The following TMC1 variants were observed in gnomAD, a reference collection of about 807,000 sequenced individuals.
TMC1 encodes the protein transmembrane channel like 1.
A neutral mutation model predicts 105.8 loss-of-function variants in TMC1; 84 were observed. The observed-to-expected ratio is 0.79, with a 90% CI of 0.67 to 0.95. The LOEUF (loss-of-function observed/expected upper bound fraction) is 0.95, where lower values mean the gene tolerates loss of function less well. TMC1 is among the 40% of genes least tolerant of loss of function. The pLI, the probability that TMC1 is intolerant of heterozygous loss-of-function variation, is 0.00. For synonymous variants in TMC1, 315 were observed against 311.5 expected, an observed-to-expected ratio of 1.01 and a Z score of -0.12; for missense variants, 817 against 914.1, an observed-to-expected ratio of 0.89 and a Z score of 1.37.
At chr9:72,741,622 G>C (rs760834851) in intron 9 of TMC1, 1 of 155,474 alleles carries the variant, frequency 6.4e-6, no homozygotes, top group Admixed American at 6.5e-5. Context: ...CTGTGTTTTG[G>C]TGGTGGTTCC....
chr9:72,637,252 A>G lies in TMC1; in HGVS notation c.-53+9189A>G, dbSNP rs147493871. 3.0e-3 allele frequency among the ~76,000 whole-genome samples: 449 copies of G among 151,764 alleles called. 6 individuals are homozygous for G. Among genetic ancestry groups the G allele is most frequent in the African/African-American group, 0.011 (435 of 41,384 alleles). ...ATTATTTTTTTGTTTTCAAGAGCTT[A>G]TGTTAGTTATCTAGTATAGAGAAGT... On this transcript the variant is annotated intron_variant, in intron 4 of 23. Transcript: ENST00000297784.
At chr9:72,609,689 T>A (rs1824991128) in intron 2 of TMC1, among the ~76,000 whole-genome samples, 1 of 152,228 alleles carries the variant, frequency 6.6e-6, no homozygotes, top group Non-Finnish European at 1.5e-5. Context: ...TCAATAATTT[T>A]ATTCTCATAA....
rs1827385477 is a variant in TMC1, at chr9:72,741,262, C to T, written c.453+1053C>T. 1.4e-5 allele frequency: 3 copies of T among 210,036 alleles called. No homozygotes were observed. In the South Asian group the frequency reaches 3.1e-4, roughly 21 times the overall value. The allele number at this position is 210,036 out of a possible 1,614,324, so 13.0% of individuals were successfully genotyped here. A position where few individuals can be genotyped will look rare whatever the true frequency, so the allele number is the denominator to read the frequency against. ...GCAATACATTAATCTGAAGGGCATTCTTGATGAAGTTGACTAATTTTGCCA... is the reference window on the plus strand; with the variant it reads ...GCAATACATTAATCTGAAGGGCATTTTTGATGAAGTTGACTAATTTTGCCA... On this transcript the variant is annotated intron_variant, in intron 9 of 23. Transcript: ENST00000297784.
chr9:72,732,725 G>A (rs1180035540), intron 8 of TMC1, among the ~76,000 whole-genome samples: 2 of 152,124 alleles, frequency 1.3e-5, no homozygotes, highest in East Asian at 3.9e-4. Context: ...GGGAAACTGG[G>A]AGCACTGAGC....
In TMC1 at chr9:72,820,952, G is replaced by C. The variant is rs762417969; in HGVS notation, c.1874G>C (p.Arg625Thr). 5 of 1,614,122 alleles carry C rather than the reference G, an allele frequency of 3.1e-6. No homozygotes were observed. The highest frequency in any genetic ancestry group is 1.1e-5 in the South Asian group (1 of 91,066). ...ATGTGCTGCAATGTTCCTGAGGCCA[G>C]GGTCTTCAAAGCTTCCAGATCAAAT... ...AVMCCNVPEA[R>T]VFKASRSNNF... Residue 625 changes from arginine to threonine, a missense_variant, in exon 20 of 24, where the codon AGG (arginine) becomes ACG (threonine). Arg to Thr is a moderately conservative substitution (Grantham distance 71, BLOSUM62 -1). Transcript: ENST00000297784.
chr9:72,733,821 A>G (rs1219868480), intron 8 of TMC1, among the ~76,000 whole-genome samples: 3 of 152,160 alleles, frequency 2.0e-5, no homozygotes, highest in Non-Finnish European at 4.4e-5. Context: ...ACGTCTTACC[A>G]TAGATCTTAG....
At chr9:72,566,550 G>T (rs960681983) in intron 1 of TMC1, among the ~76,000 whole-genome samples, 2 of 152,190 alleles carry the variant, frequency 1.3e-5, no homozygotes, top group African/African-American at 4.8e-5. Flanking sequence ...CAGAGGTTCA[G>T]AGAACAGGCC....
chr9:72,780,752 A>G (rs1828083392), intron 13 of TMC1, among the ~76,000 whole-genome samples: 1 of 152,228 alleles, frequency 6.6e-6, no homozygotes, highest in South Asian at 2.1e-4. Flanking sequence ...AAAAGATTCA[A>G]TTCAGCAAGA....
rs79452380 is a variant in TMC1 at position 72,758,741 on chromosome 9, G to A, written c.741+3857G>A. 3.6e-3 allele frequency among the ~76,000 whole-genome samples: 547 copies of A among 152,242 alleles called. 4 individuals are homozygous for A. Among genetic ancestry groups the A allele is most frequent in the African/African-American group, 0.012 (505 of 41,534 alleles). On this transcript the variant is annotated intron_variant, in intron 12 of 23. Transcript: ENST00000297784. ...CAAGGACCTGTATGTGTTACCTCAGGTTAACCAGACGTTTCTCAGAAGACA... is the reference window on the plus strand; with the variant it reads ...CAAGGACCTGTATGTGTTACCTCAGATTAACCAGACGTTTCTCAGAAGACA...
intron 12 of TMC1, among the ~76,000 whole-genome samples, chr9:72,764,908 C>T (rs1309636636): frequency 1.3e-5 from 2 of 152,120 alleles, no homozygotes; most frequent in Non-Finnish European, 2.9e-5. Context: ...GGCTGATGTA[C>T]ATATGTCTTA....
chr9:72,792,199 G>A lies in TMC1; in HGVS notation c.1413G>A (p.Glu471=), dbSNP rs1297592789. Residue 471 remains glutamate, a synonymous_variant, in exon 17 of 24, where the codon GAG becomes GAA. Coordinates refer to ENST00000297784, the MANE Select transcript of TMC1 (RefSeq NM_138691.3). ...ATCTCTTTGCTTTCTAGATTGAAGAGGAGAAGCTAGTAAAGGCCAATATTA... is the reference window on the plus strand; with the variant it reads ...ATCTCTTTGCTTTCTAGATTGAAGAAGAGAAGCTAGTAAAGGCCAATATTA... ...LMDEINNKIE[E]EKLVKANITL... 6.2e-7 allele frequency: 1 copy of A among 1,613,994 alleles called. No individual in the cohort carries two copies. The highest frequency in any genetic ancestry group is 8.5e-7 in the Non-Finnish European group (1 of 1,180,008).
chr9:72,555,812 G>A (rs1382907713), intron 1 of TMC1, among the ~76,000 whole-genome samples: 1 of 151,186 alleles, frequency 6.6e-6, no homozygotes. Flanking sequence ...TAGTAGAGAT[G>A]GGGTTTCACC....
intron 20 of TMC1, among the ~76,000 whole-genome samples, chr9:72,826,247 A>G (rs1287864312): frequency 6.6e-6 from 1 of 152,174 alleles, no homozygotes; most frequent in African/African-American, 2.4e-5. Flanking sequence ...TTTCTAGTTT[A>G]TAGGAGCTGA....
chr9:72,551,045 T>C (rs1460505698), intron 1 of TMC1, among the ~76,000 whole-genome samples: 1 of 152,160 alleles, frequency 6.6e-6, no homozygotes, highest in Admixed American at 6.6e-5. Flanking sequence ...AAAGAAATGC[T>C]ATATTGTTGC....
At chr9:72,522,205 A>T (rs2132050728) in intron 1 of TMC1, among the ~76,000 whole-genome samples, 1 of 149,860 alleles carries the variant, frequency 6.7e-6, no homozygotes, top group Non-Finnish European at 1.5e-5. Context: ...GCTGGAGTGC[A>T]GTGGCGCGAT....
chr9:72,694,808 T>G lies in TMC1; in HGVS notation c.236+94T>G, dbSNP rs943225798. 8.2e-5 allele frequency: 105 copies of G among 1,284,842 alleles called. No individual in the cohort carries two copies. In the African/African-American group the frequency reaches 9.8e-4, roughly 12 times the overall value. 79.6% of individuals were successfully genotyped at this position (1,284,842 alleles called of 1,614,324 possible). A position where few individuals can be genotyped will look rare whatever the true frequency, so the allele number is the denominator to read the frequency against. ...TGACCTTAAAATTGGTAATTAAAGC[T>G]ACTTTTAGAAAGAGAGCCTTAATCT... On this transcript the variant is annotated intron_variant, in intron 7 of 23. Transcript: ENST00000297784.
intron 12 of TMC1, among the ~76,000 whole-genome samples, chr9:72,762,800 T>C (rs1827776610): frequency 1.3e-5 from 2 of 152,208 alleles, no homozygotes. Context: ...ACTGGCAGTA[T>C]CAAAGGGCTC....
At chr9:72,640,995 T>G (rs893389129) in intron 4 of TMC1, among the ~76,000 whole-genome samples, 2 of 152,312 alleles carry the variant, frequency 1.3e-5, no homozygotes, top group African/African-American at 4.8e-5. Context: ...CATCTTTTCA[T>G]GTGGCAGACA....
At chr9:72,829,066 G>A (rs1466618960) in intron 21 of TMC1, among the ~76,000 whole-genome samples, 1 of 152,170 alleles carries the variant, frequency 6.6e-6, no homozygotes, top group African/African-American at 2.4e-5. Context: ...TCAAATAGAT[G>A]TACTGAAAGG....
Sources: allele counts gnomAD v4.1 joint callset (sites outside exome capture counted in the v4.1 genomes callset), GRCh38; gene constraint gnomAD v4.1.1; transcripts MANE v1.5; gene names NCBI Gene and HGNC (gene_info 2026-07-23, HGNC 2026-07-21).